Variants in PXDC1 observed in about 807,000 individuals in gnomAD.
The protein encoded by PXDC1 is PX domain containing 1, also known as PX domain-containing protein 1.
In PXDC1, 13 loss-of-function variants were observed where a neutral mutation model predicts 24.4. The ratio of observed to expected loss-of-function variants is 0.53; its 90% CI spans 0.35 to 0.85. The LOEUF is 0.85. Ranked by LOEUF, PXDC1 falls within the 40% of genes least tolerant of loss-of-function variation. The pLI is 0.01. For missense variants in PXDC1, 344 were observed against 309.3 expected, an observed-to-expected ratio of 1.11 and a Z score of -0.84; for synonymous variants, 162 against 124.9, an observed-to-expected ratio of 1.30 and a Z score of -1.98.
chr6:3,738,387 C>T (rs1005747891), intron 1 of PXDC1, among the ~76,000 whole-genome samples: 47 of 152,276 alleles, frequency 3.1e-4, no homozygotes, highest in African/African-American at 1.1e-3. Flanking sequence ...TACTGTCAAT[C>T]TGAAAAGGGG....
chr6:3,741,729 G>C (rs141391429), intron 1 of PXDC1, among the ~76,000 whole-genome samples: 6 of 152,214 alleles, frequency 3.9e-5, no homozygotes, highest in Non-Finnish European at 8.8e-5. Flanking sequence ...AGAACGCAGC[G>C]CGGGGCTGCC....
In PXDC1 at chr6:3,728,443, T is replaced by C. The variant is rs144592771; in HGVS notation, c.467-781A>G. 6.6e-6 allele frequency among the ~76,000 whole-genome samples: 1 copy of C among 152,224 alleles called. No homozygotes were observed. Among genetic ancestry groups the C allele is most frequent in the African/African-American group, 2.4e-5 (1 of 41,450 alleles). Reference sequence around the variant, plus strand: ...GGGTGACTTTCACTGTTTCGCTTTATGTAATTCTGTATGTAAATGATTTTT... The same window carrying C: ...GGGTGACTTTCACTGTTTCGCTTTACGTAATTCTGTATGTAAATGATTTTT... On this transcript the variant is annotated intron_variant, in intron 3 of 4. Transcript: ENST00000380283. This position sits in a 1 kb window ranked among gnomAD's most constrained non-coding sequence, Gnocchi z 4.0.
At chr6:3,742,519 A>T (rs543291074) in intron 1 of PXDC1, among the ~76,000 whole-genome samples, 1 of 152,122 alleles carries the variant, frequency 6.6e-6, no homozygotes, top group Non-Finnish European at 1.5e-5. Flanking sequence ...CGAACCTGAA[A>T]ACGGAAGCAG....
chr6:3,731,175 C>G (rs1337471262), intron 3 of PXDC1, among the ~76,000 whole-genome samples: 1 of 152,158 alleles, frequency 6.6e-6, no homozygotes, highest in East Asian at 1.9e-4. Context: ...AAACAGTGTT[C>G]TATTTCCAGG....
chr6:3,741,963 A>G lies in PXDC1; in HGVS notation c.257-3815T>C, dbSNP rs527454393. Among the ~76,000 whole-genome samples the G allele has an allele frequency of 4.6e-5, 7 of 152,396 alleles. No homozygotes were observed. In the South Asian group the frequency reaches 1.4e-3, roughly 32 times the overall value. Reference sequence around the variant, plus strand: ...TGTCCACTGGGACCACAGTGCAGAAATAAAAGAAATCTTCATCTTGCAATT... The same window carrying G: ...TGTCCACTGGGACCACAGTGCAGAAGTAAAAGAAATCTTCATCTTGCAATT... On this transcript the variant is annotated intron_variant, in intron 1 of 4. Coordinates refer to ENST00000380283, the MANE Select transcript of PXDC1 (RefSeq NM_183373.4).
chr6:3,738,197 C>T lies in PXDC1; in HGVS notation c.257-49G>A, dbSNP rs116469545. ...AAAGTCAGAATAGCACACCAGGAAA[C>T]GCGCTCCCAATGCAATACACAACAG... On this transcript the variant is annotated intron_variant, in intron 1 of 4. Transcript: ENST00000380283. 9.5e-4 allele frequency: 1,355 copies of T among 1,429,888 alleles called. 8 individuals carry two copies. In the African/African-American group the frequency reaches 0.016, roughly 17 times the overall value. The allele number at this position is 1,429,888 out of a possible 1,614,324, so 88.6% of individuals were successfully genotyped here.
intron 1 of PXDC1, among the ~76,000 whole-genome samples, chr6:3,747,296 C>T (rs772881394): frequency 2.0e-5 from 3 of 152,118 alleles, no homozygotes; most frequent in African/African-American, 7.2e-5. Context: ...TGCACATCAG[C>T]GTTTGCCCAC....
intron 1 of PXDC1, among the ~76,000 whole-genome samples, 180 bp from the exon 2 acceptor site, chr6:3,738,328 T>TA (rs1760376051): frequency 6.6e-6 from 1 of 152,190 alleles, no homozygotes; most frequent in Admixed American, 6.5e-5. Context: ...CTAAGCCTCA[T>TA]TCCATGTTTC....
chr6:3,751,288 GC>G lies in PXDC1; in HGVS notation c.243del (p.Pro82ArgfsTer9). The G allele has an allele frequency of 6.6e-7, 1 of 1,522,894 alleles. No homozygotes were observed. The allele number at this position is 1,522,894 out of a possible 1,614,324, so 94.3% of individuals were successfully genotyped here. ...FPEDRSELAQ[G>X]PLRQGLVAIK... ...CCCGGCCCCGCACCTTGCCGCAGCG[GC>G]CCCTGCGCCAGTTCGGACCGGTCCT... On this transcript the variant is annotated frameshift_variant, in exon 1 of 5. Coordinates refer to ENST00000380283, the MANE Select transcript of PXDC1 (RefSeq NM_183373.4). LOFTEE classifies it high-confidence loss of function.
intron 1 of PXDC1, among the ~76,000 whole-genome samples, chr6:3,743,418 C>T (rs1760493258): frequency 6.6e-6 from 1 of 151,984 alleles, no homozygotes; most frequent in Admixed American, 6.6e-5. Flanking sequence ...CAAATGTGCC[C>T]ATCAGCACAC....
chr6:3,740,836 C>T (rs1760435481), intron 1 of PXDC1, among the ~76,000 whole-genome samples: 2 of 152,272 alleles, frequency 1.3e-5, no homozygotes, highest in African/African-American at 4.8e-5. Flanking sequence ...ATCCCACCCT[C>T]TACAGCCTCT....
chr6:3,738,087 C>T lies in PXDC1; in HGVS notation c.318G>A (p.Leu106=). ...AGGGCATGCTTATGATCGTCTTCAG[C>T]AGCTTCTCCACCTCATTAAGCCTGG... is the stretch of plus-strand genomic sequence containing the variant. ...IETRLNEVEK[L]LKTIISMPCK... The change falls in exon 2 of 5, where the codon CTG becomes CTA. Residue 106 remains leucine (L), a synonymous_variant. Transcript: ENST00000380283. 2 of 1,614,136 alleles carry T rather than the reference C, an allele frequency of 1.2e-6. No homozygotes were observed. Among genetic ancestry groups the T allele is most frequent in the Non-Finnish European group, 1.7e-6 (2 of 1,180,010 alleles).
Position 3,751,483 on chromosome 6 carries a change from G to T in PXDC1, c.49C>A (p.Arg17Ser). Reference sequence around the variant, plus strand: ...CGGATGCCGTTCACCCAGCAGCCGCGCACGAACATGTTCACGAGCGACGTG... The same window carrying T: ...CGGATGCCGTTCACCCAGCAGCCGCTCACGAACATGTTCACGAGCGACGTG... ...EGTSLVNMFV[R>S]GCWVNGIRRL... Residue 17 changes from arginine (R) to serine (S), a missense_variant, in exon 1 of 5, where the codon CGC becomes AGC. Physicochemically the swap from Arg to Ser is moderately radical, Grantham distance 110. Coordinates refer to ENST00000380283, the MANE Select transcript of PXDC1 (RefSeq NM_183373.4). 6.2e-7 allele frequency: 1 copy of T among 1,604,068 alleles called. No homozygotes were observed. Among genetic ancestry groups the T allele is most frequent in the Non-Finnish European group, 8.5e-7 (1 of 1,176,752 alleles).
At chr6:3,738,835 C>T (rs1760389733) in intron 1 of PXDC1, 1 of 1,303,352 alleles carries the variant, frequency 7.7e-7, no homozygotes, top group Non-Finnish European at 1.0e-6. Flanking sequence ...TTTTCTATCT[C>T]CCCATGAGAA....
intron 1 of PXDC1, chr6:3,738,800 G>T: frequency 7.7e-7 from 1 of 1,302,794 alleles, no homozygotes; most frequent in Non-Finnish European, 1.0e-6. Context: ...AAATACCATA[G>T]CTCGAGGCAT....
chr6:3,740,583 A>G lies in PXDC1; in HGVS notation c.257-2435T>C, dbSNP rs560579861. Among the ~76,000 whole-genome samples the G allele has an allele frequency of 3.9e-5, 6 of 152,288 alleles. No homozygotes were observed. The East Asian group carries it at 9.6e-4, about 24-fold the overall frequency. On this transcript the variant is annotated intron_variant, in intron 1 of 4. Transcript: ENST00000380283. ...CCTCTGGAAACCGTGTTAGGATTTT[A>G]GTTGGGCGTGCAGACTCTTCATGAC...
chr6:3,750,891 C>T (rs947608006), intron 1 of PXDC1, among the ~76,000 whole-genome samples: 4 of 152,180 alleles, frequency 2.6e-5, no homozygotes, highest in African/African-American at 9.6e-5. Context: ...CCAGTGCGCC[C>T]GCCCGCCGGC....
Position 3,737,116 on chromosome 6 carries a change from T to A in PXDC1, c.429A>T (p.Lys143Asn), listed in dbSNP as rs540838399. The change falls in exon 3 of 5, where the codon AAA (lysine) becomes AAT (asparagine). Residue 143 changes from lysine (K) to asparagine (N), a missense_variant. Transcript: ENST00000380283. The surrounding 1 kb of genome is among the most constrained non-coding windows in gnomAD (Gnocchi z 5.5). Reference sequence around the variant, plus strand: ...CTGGACTTTGAAAGCTGGGTTGAATTTTATGCACATTATCATTTTTTAACA... The same window carrying A: ...CTGGACTTTGAAAGCTGGGTTGAATATTATGCACATTATCATTTTTTAACA... ...DQVLKNDNVH[K>N]IQPSFQSPVK... 1 of 1,613,634 alleles carries A rather than the reference T, an allele frequency of 6.2e-7. No individual in the cohort carries two copies. Among genetic ancestry groups the A allele is most frequent in the Non-Finnish European group, 8.5e-7 (1 of 1,179,536 alleles).
chr6:3,730,120 G>GA (rs1279264182), intron 3 of PXDC1, among the ~76,000 whole-genome samples: 1 of 152,160 alleles, frequency 6.6e-6, no homozygotes, highest in Non-Finnish European at 1.5e-5. Flanking sequence ...CTCCTGCATG[G>GA]ACCTTGCTGT....
Sources: gnomAD v4.1 joint callset for allele counts (sites outside exome capture counted in the v4.1 genomes callset) on GRCh38, gnomAD v4.1.1 for gene constraint, Gnocchi (gnomAD v3.1) non-coding constraint, MANE v1.5 for transcripts, NCBI Gene and HGNC (gene_info 2026-07-23, HGNC 2026-07-21) for gene names.